The following ZC3H4 variants were observed in gnomAD, a reference collection of about 807,000 sequenced individuals.
The protein encoded by ZC3H4 is zinc finger CCCH domain-containing protein 4.
In ZC3H4, 13 loss-of-function variants were observed where a neutral mutation model predicts 108.3. The ratio of observed to expected loss-of-function variants is 0.12; its 90% CI spans 0.08 to 0.19. The LOEUF is 0.19. ZC3H4 is among the 10% of genes least tolerant of loss of function. ZC3H4 has a pLI of 1.00. For synonymous variants in ZC3H4, 917 were observed against 749.6 expected (o/e 1.22, Z -3.65); for missense variants, 1,734 against 1,838.8 (o/e 0.94, Z 1.04).
At chr19:47,093,149 G>C (rs970441986) in intron 4 of ZC3H4, among the ~76,000 whole-genome samples, 1 of 144,896 alleles carries the variant, frequency 6.9e-6, no homozygotes, top group East Asian at 2.1e-4. Context: ...CCAGGAGACA[G>C]AGCTTGCAGT....
intron 11 of ZC3H4, among the ~76,000 whole-genome samples, chr19:47,076,327 A>ATG (rs1568539251): frequency 6.9e-4 from 8 of 11,652 alleles, no homozygotes; most frequent in Non-Finnish European, 1.3e-3. Flanking sequence ...GCGCGCGCGC[A>ATG]CACACACACA....
Position 47,069,152 on chromosome 19 carries a change from C to T in ZC3H4, c.2338G>A (p.Glu780Lys), listed in dbSNP as rs889061847. Residue 780 changes from glutamate (E) to lysine (K), a missense_variant, in exon 14 of 15, where the codon GAG (glutamate) becomes AAG (lysine). By Grantham distance (56) the Glu-to-Lys change is moderately conservative (BLOSUM62 1). Around this residue, in one of 9 missense-constraint regions of ZC3H4, gnomAD observed 540 missense variants for 484.1 expected, o/e 1.12. Transcript: ENST00000253048. Reference protein sequence around the residue: ...YLRIQQKQQEEEERARRLAES... With the variant: ...YLRIQQKQQEKEERARRLAES... The stretch of plus-strand genomic sequence containing the variant: ...GCCAGCCTCCTCGCTCTCTCCTCCT[C>T]CTCCTGCTGCTTCTGCTGGATCCTC... 6.2e-7 allele frequency: 1 copy of T among 1,607,842 alleles called. No individual in the cohort carries two copies. Among genetic ancestry groups the T allele is most frequent in the Admixed American group, 1.7e-5 (1 of 60,022 alleles).
chr19:47,092,587 C>T (rs886982185), intron 4 of ZC3H4, among the ~76,000 whole-genome samples: 4 of 152,116 alleles, frequency 2.6e-5, no homozygotes, highest in East Asian at 1.9e-4. Context: ...GAGGCCAAGG[C>T]GGGCGGGTCA....
chr19:47,069,659 T>A (rs2057291272), intron 13 of ZC3H4, among the ~76,000 whole-genome samples: 1 of 152,228 alleles, frequency 6.6e-6, no homozygotes, highest in Non-Finnish European at 1.5e-5. Context: ...ACAGTCCCTC[T>A]GGAACACAGA....
At chr19:47,112,090 G>A (rs919999250) in intron 2 of ZC3H4, 1 of 1,024,498 alleles carries the variant, frequency 9.8e-7, no homozygotes, top group Non-Finnish European at 1.2e-6. Context: ...ACCCCCCACG[G>A]CGCCCCCTCC....
chr19:47,078,291 T>C (rs2057457912), intron 11 of ZC3H4, among the ~76,000 whole-genome samples: 2 of 151,580 alleles, frequency 1.3e-5, no homozygotes, highest in Non-Finnish European at 2.9e-5. Context: ...CTGGCCAACA[T>C]GATAAAACCT....
chr19:47,088,509 T>C (rs917893841), intron 5 of ZC3H4, among the ~76,000 whole-genome samples: 10 of 151,150 alleles, frequency 6.6e-5, no homozygotes, highest in East Asian at 2.0e-4. Flanking sequence ...GATCGCGCCA[T>C]TGCACTCCAG....
intron 9 of ZC3H4, among the ~76,000 whole-genome samples, chr19:47,083,281 G>A (rs1055390560): frequency 2.0e-5 from 3 of 150,022 alleles, no homozygotes; most frequent in Non-Finnish European, 3.0e-5. Context: ...CAGCCTGGGC[G>A]ACAGAGAGAG....
rs769720062 is a variant in ZC3H4 at position 47,066,562 on chromosome 19, GGGTGGCGGT to G, written c.3697_3705del (p.Thr1233_Thr1235del). On this transcript the variant is annotated inframe_deletion, in exon 15 of 15. Coordinates refer to ENST00000253048, the MANE Select transcript of ZC3H4 (RefSeq NM_015168.2). ...TGGGGTGGGGCACCCTCGGGGGGTG[GGGTGGCGGT>G]GGTGGCAGCGGGGGCTGCAGCAGCC... 6 of 1,578,962 alleles carry G rather than the reference GGGTGGCGGT, an allele frequency of 3.8e-6. No homozygotes were observed. Among genetic ancestry groups the G allele is most frequent in the South Asian group, 1.2e-5 (1 of 84,946 alleles).
intron 4 of ZC3H4, among the ~76,000 whole-genome samples, chr19:47,090,790 A>C (rs536016900): frequency 1.3e-5 from 2 of 152,368 alleles, no homozygotes; most frequent in South Asian, 4.1e-4. Context: ...AACCCAGAGA[A>C]CTATACAACC....
Position 47,069,108 on chromosome 19 carries a change from G to A in ZC3H4, c.2382C>T (p.Asp794=). ...GACACGTGCCTTCCTCATTCTCCCG[G>A]TCCTGCTTGCTGCTCTCAGCCAGCC... The part of the protein sequence containing the change: ...ARRLAESSKQ[D]RENEEGDTGN... Residue 794 remains aspartate (D), a synonymous_variant, in exon 14 of 15, where the codon GAC becomes GAT. Transcript: ENST00000253048. 6.2e-7 allele frequency: 1 copy of A among 1,603,836 alleles called. No individual in the cohort carries two copies.
intron 2 of ZC3H4, among the ~76,000 whole-genome samples, chr19:47,106,669 G>A (rs979813555): frequency 6.6e-6 from 1 of 152,214 alleles, no homozygotes; most frequent in Non-Finnish European, 1.5e-5. Context: ...GTAGAAGGTA[G>A]GCCAGACACA....
rs79924172 is a variant in ZC3H4 at position 47,085,373 on chromosome 19, G to A, written c.912C>T (p.Asp304=). The A allele has an allele frequency of 4.9e-3, 7,924 of 1,601,776 alleles. 383 individuals carry two copies. The African/African-American group carries it at 0.094, about 19-fold the overall frequency. ...ACTGGTTCAGCTCCTTGGAGTACTCGTCATAGTCGTCGTCTCCCATTGGCT... is the reference window on the plus strand; with the variant it reads ...ACTGGTTCAGCTCCTTGGAGTACTCATCATAGTCGTCGTCTCCCATTGGCT... ...SEEPMGDDDY[D]EYSKELNQYR... Residue 304 remains aspartate (D), a synonymous_variant, in exon 7 of 15, where the codon GAC becomes GAT. Coordinates refer to ENST00000253048, the MANE Select transcript of ZC3H4 (RefSeq NM_015168.2).
rs926764335 is a variant in ZC3H4, at chr19:47,084,497, A to T, written c.1108-42T>A. 6.2e-6 allele frequency: 10 copies of T among 1,601,544 alleles called. No homozygotes were observed. In the African/African-American group the frequency reaches 1.3e-4, roughly 21 times the overall value. On this transcript the variant is annotated intron_variant, in intron 8 of 14. Transcript: ENST00000253048. ...GTGGACGTAAAGGGGAATGAAAGGG[A>T]AGGGTAGAGATGGGATCGGGGTTAA...
chr19:47,078,455 A>G (rs1392616669), intron 11 of ZC3H4, among the ~76,000 whole-genome samples: 4 of 151,106 alleles, frequency 2.6e-5, no homozygotes, highest in Non-Finnish European at 5.9e-5. Flanking sequence ...ACTGCACTCC[A>G]GCCTGGCAAC....
At chr19:47,098,368 A>C (rs2057855981) in intron 2 of ZC3H4, among the ~76,000 whole-genome samples, 1 of 151,816 alleles carries the variant, frequency 6.6e-6, no homozygotes, top group Non-Finnish European at 1.5e-5. Flanking sequence ...TGGGTGCCTG[A>C]AATTCCAGCT....
Position 47,078,198 on chromosome 19 carries a change from T to C in ZC3H4, c.1440+3315A>G, listed in dbSNP as rs2057456560. Among the ~76,000 whole-genome samples, 8 of 152,266 alleles carry C rather than the reference T, an allele frequency of 5.3e-5. No individual in the cohort carries two copies. The South Asian group carries it at 1.7e-3, about 32-fold the overall frequency. On this transcript the variant is annotated intron_variant, in intron 11 of 14. Transcript: ENST00000253048. ...TATTTTTTATTATTTCCTAAAATTATGTTTGGCGATAAATGAGATATATTG... is the reference window on the plus strand; with the variant it reads ...TATTTTTTATTATTTCCTAAAATTACGTTTGGCGATAAATGAGATATATTG...
chr19:47,067,475 G>T lies in ZC3H4; in HGVS notation c.2793C>A (p.Ala931=), dbSNP rs903528019. The change falls in exon 15 of 15, where the codon GCC becomes GCA. Residue 931 remains alanine, a synonymous_variant. Transcript: ENST00000253048. This position sits in a 1 kb window ranked among gnomAD's most constrained non-coding sequence, Gnocchi z 6.4. ...PPTEEEEGER[A]LREKAVNIPL... The stretch of plus-strand genomic sequence containing the variant: ...GAATGTTCACGGCCTTCTCCCGCAG[G>T]GCCCGCTCCCCTTCCTCCTCCTCCG... The T allele has an allele frequency of 1.0e-5, 16 of 1,581,420 alleles. No homozygotes were observed. In the Admixed American group the frequency reaches 2.7e-4, roughly 26 times the overall value.
chr19:47,087,979 C>T (rs1169525476), intron 5 of ZC3H4, among the ~76,000 whole-genome samples: 1 of 151,544 alleles, frequency 6.6e-6, no homozygotes, highest in African/African-American at 2.4e-5. Flanking sequence ...CGAGACCATC[C>T]TGGCTAACAT....
Sources: gnomAD v4.1 joint callset for allele counts (sites outside exome capture counted in the v4.1 genomes callset) on GRCh38, gnomAD v4.1.1 for gene constraint, gnomAD v4.1.1 regional missense constraint, Gnocchi (gnomAD v3.1) non-coding constraint, MANE v1.5 for transcripts, NCBI Gene and HGNC (gene_info 2026-07-23, HGNC 2026-07-21) for gene names.